CAMK1D: variants seen among roughly 807,000 people sequenced by gnomAD.
CAMK1D encodes the protein calcium/calmodulin dependent protein kinase ID.
CAMK1D carries 9 observed loss-of-function variants against 47.7 expected under a neutral mutation model. The ratio of observed to expected loss-of-function variants is 0.19; its 90% CI spans 0.11 to 0.33. CAMK1D has a LOEUF of 0.33. Ranked by LOEUF, CAMK1D falls within the 10% of genes least tolerant of loss-of-function variation. The pLI, the probability that CAMK1D is intolerant of heterozygous loss-of-function variation, is 1.00. For synonymous variants in CAMK1D, 184 were observed against 184.9 expected, an observed-to-expected ratio of 0.99 and a Z score of 0.04; for missense variants, 291 against 488.7, an observed-to-expected ratio of 0.60 and a Z score of 3.81.
rs771164564 is a variant in CAMK1D, at chr10:12,821,830, C to G, written c.834-2635C>G. Among the ~76,000 whole-genome samples the G allele has an allele frequency of 1.6e-3, 249 of 152,190 alleles. 12 individuals are homozygous for G. The highest frequency in any genetic ancestry group is 3.4e-4 in the Non-Finnish European group (23 of 68,014). On this transcript the variant is annotated intron_variant, in intron 8 of 10. Transcript: ENST00000619168. ...TCTCTATTAAAAACACAAAAATGAG[C>G]CTGGCATGGTGGTGCATGCCTGTAA... is the stretch of plus-strand genomic sequence containing the variant.
chr10:12,458,248 C>T (rs567637590), intron 1 of CAMK1D, among the ~76,000 whole-genome samples: 1 of 152,194 alleles, frequency 6.6e-6, no homozygotes, highest in East Asian at 1.9e-4. Context: ...CCAGAGCTGG[C>T]ATTCTTGAGG....
chr10:12,664,261 C>G (rs1045515400), intron 2 of CAMK1D, among the ~76,000 whole-genome samples: 3 of 152,286 alleles, frequency 2.0e-5, no homozygotes, highest in African/African-American at 7.2e-5. Flanking sequence ...AGCAGAAACG[C>G]AGCAAATGAC....
At chr10:12,734,366 AT>A (rs1835049960) in intron 3 of CAMK1D, among the ~76,000 whole-genome samples, 2 of 19,712 alleles carry the variant, frequency 1.0e-4, no homozygotes, top group African/African-American at 1.7e-4. Context: ...ATATATATAT[AT>A]ATATATATAT....
chr10:12,679,268 T>C (rs753300163), intron 3 of CAMK1D, among the ~76,000 whole-genome samples: 10 of 152,224 alleles, frequency 6.6e-5, no homozygotes, highest in Non-Finnish European at 1.5e-4. Flanking sequence ...ATTTAAGAAG[T>C]CATAGAAAGT....
intron 1 of CAMK1D, among the ~76,000 whole-genome samples, chr10:12,466,382 TG>T (rs1833590627): frequency 6.6e-6 from 1 of 152,142 alleles, no homozygotes; most frequent in African/African-American, 2.4e-5. Context: ...CACTCCAGCC[TG>T]GGCGACAGAG....
At chr10:12,780,367 A>G (rs1837442212) in intron 5 of CAMK1D, among the ~76,000 whole-genome samples, 1 of 152,192 alleles carries the variant, frequency 6.6e-6, no homozygotes, top group Non-Finnish European at 1.5e-5. Flanking sequence ...AGTTTCTTGT[A>G]TATAAAATAA....
chr10:12,572,733 G>A (rs1049669947), intron 2 of CAMK1D, among the ~76,000 whole-genome samples: 4 of 152,190 alleles, frequency 2.6e-5, no homozygotes, highest in African/African-American at 9.7e-5. Flanking sequence ...CTGGGCTTAA[G>A]TGATCCTCCT....
At chr10:12,543,667 C>T (rs1836271885) in intron 1 of CAMK1D, among the ~76,000 whole-genome samples, 1 of 152,108 alleles carries the variant, frequency 6.6e-6, no homozygotes, top group African/African-American at 2.4e-5. Context: ...CTGTTTTTAG[C>T]CAAGGCATCC....
chr10:12,468,734 C>T (rs932199557), intron 1 of CAMK1D, among the ~76,000 whole-genome samples: 31 of 152,142 alleles, frequency 2.0e-4, no homozygotes, highest in Non-Finnish European at 3.7e-4. Flanking sequence ...GTAGTTTAGG[C>T]TTGTCAGGGG....
intron 1 of CAMK1D, among the ~76,000 whole-genome samples, chr10:12,522,472 T>C (rs1223521033): frequency 6.7e-6 from 1 of 150,374 alleles, no homozygotes; most frequent in East Asian, 1.9e-4. Flanking sequence ...CATTTAACCC[T>C]GAGTGGACAC....
chr10:12,727,139 G>A (rs1198250499), intron 3 of CAMK1D, among the ~76,000 whole-genome samples: 6 of 152,316 alleles, frequency 3.9e-5, no homozygotes, highest in South Asian at 2.1e-4. Flanking sequence ...GGGGCTTTAC[G>A]GTTTTGTAAA....
At chr10:12,716,745 T>A (rs1588841564) in intron 3 of CAMK1D, among the ~76,000 whole-genome samples, 1 of 152,154 alleles carries the variant, frequency 6.6e-6, no homozygotes, top group Non-Finnish European at 1.5e-5. Flanking sequence ...GAATTTTTTT[T>A]AACTATATTT....
At chr10:12,394,485 C>T (rs1220434167) in intron 1 of CAMK1D, among the ~76,000 whole-genome samples, 1 of 152,192 alleles carries the variant, frequency 6.6e-6, no homozygotes, top group Non-Finnish European at 1.5e-5. Flanking sequence ...CCAAGAGTCA[C>T]CGCATTGGCA....
intron 3 of CAMK1D, among the ~76,000 whole-genome samples, chr10:12,683,741 G>GGT (rs10554443): frequency 0.32 from 45,840 of 144,648 alleles, 7,599 homozygotes; most frequent in Non-Finnish European, 0.38. Context: ...TAGGAATCCA[G>GGT]GTGTGTGTGT....
chr10:12,493,255 GCA>G (rs1834441680), intron 1 of CAMK1D, among the ~76,000 whole-genome samples: 1 of 152,118 alleles, frequency 6.6e-6, no homozygotes, highest in African/African-American at 2.4e-5. Flanking sequence ...GTTGAGGAGC[GCA>G]GACTGAAGTG....
chr10:12,392,705 G>A (rs1351860133), intron 1 of CAMK1D, among the ~76,000 whole-genome samples: 1 of 152,076 alleles, frequency 6.6e-6, no homozygotes, highest in Non-Finnish European at 1.5e-5. Context: ...CATATACATT[G>A]TTATTGAGCA....
At chr10:12,452,118 A>C (rs1301899165) in intron 1 of CAMK1D, among the ~76,000 whole-genome samples, 1 of 152,192 alleles carries the variant, frequency 6.6e-6, no homozygotes, top group Non-Finnish European at 1.5e-5. Flanking sequence ...TCCCTTTGCA[A>C]GCCTGTTTTC....
intron 3 of CAMK1D, among the ~76,000 whole-genome samples, chr10:12,739,904 G>A (rs1835356782): frequency 6.6e-6 from 1 of 152,158 alleles, no homozygotes; most frequent in African/African-American, 2.4e-5. Context: ...TTTCCTGTGA[G>A]AAGAAAGTGG....
At chr10:12,486,905 C>G (rs974395144) in intron 1 of CAMK1D, among the ~76,000 whole-genome samples, 1 of 151,938 alleles carries the variant, frequency 6.6e-6, no homozygotes. Context: ...ACCACTACAC[C>G]CCAGCGTGGG....
Sources: allele counts gnomAD v4.1 joint callset (sites outside exome capture counted in the v4.1 genomes callset), GRCh38; gene constraint gnomAD v4.1.1; transcripts MANE v1.5; gene names NCBI Gene and HGNC (gene_info 2026-07-23, HGNC 2026-07-21).